The following GUCY2C variants were observed in gnomAD, a reference collection of about 807,000 sequenced individuals.
GUCY2C encodes guanylyl cyclase C.
GUCY2C carries 118 observed loss-of-function variants against 131.1 expected under a neutral mutation model. The ratio of observed to expected loss-of-function variants is 0.90; its 90% CI spans 0.78 to 1.05. GUCY2C has a LOEUF of 1.05. Ranked by LOEUF, GUCY2C falls within the 50% of genes least tolerant of loss-of-function variation. GUCY2C has a pLI of 0.00. For synonymous variants in GUCY2C, 452 were observed against 457.8 expected (o/e 0.99, Z 0.16); for missense variants, 1,161 against 1,304.4 (o/e 0.89, Z 1.69).
At chr12:14,636,632 C>A (rs543539169) in intron 19 of GUCY2C, among the ~76,000 whole-genome samples, 11 of 152,264 alleles carry the variant, frequency 7.2e-5, no homozygotes, top group Non-Finnish European at 1.5e-4. Flanking sequence ...ACTGAAAGTA[C>A]TAGCCAGAGC....
chr12:14,686,264 GA>G, intron 2 of GUCY2C, 39 bp from the exon 3 acceptor site: 2 of 1,405,640 alleles, frequency 1.4e-6, no homozygotes, highest in African/African-American at 1.4e-5. Context: ...CTAGAACTAA[GA>G]AAAATACTCA....
At chr12:14,631,932 G>A in intron 19 of GUCY2C, among the ~76,000 whole-genome samples, 2 of 150,180 alleles carry the variant, frequency 1.3e-5, no homozygotes, top group Non-Finnish European at 3.0e-5. Context: ...TCTAACTGGT[G>A]TGAGATGGTA....
Position 14,631,229 on chromosome 12 carries a change from AT to A in GUCY2C, c.2158-2493del, listed in dbSNP as rs561270002. Among the ~76,000 whole-genome samples the A allele has an allele frequency of 5.9e-5, 9 of 152,048 alleles. No individual in the cohort carries two copies. The South Asian group carries it at 1.7e-3, about 28-fold the overall frequency. On this transcript the variant is annotated intron_variant, in intron 19 of 26. Coordinates refer to ENST00000261170, the MANE Select transcript of GUCY2C (RefSeq NM_004963.4). ...AAAGATTATAAATGTCTTTTTTAAA[AT>A]TTTTTTTATTTTTATTATACTTTAA...
At chr12:14,657,226 A>G (rs1592119086) in intron 11 of GUCY2C, among the ~76,000 whole-genome samples, 1 of 152,292 alleles carries the variant, frequency 6.6e-6, no homozygotes, top group East Asian at 1.9e-4. Flanking sequence ...AACTGATGAC[A>G]TAGAAGGAGT....
chr12:14,653,067 A>G, intron 12 of GUCY2C, 53 bp from the exon 13 acceptor site: 1 of 1,296,382 alleles, frequency 7.7e-7, no homozygotes, highest in Non-Finnish European at 1.1e-6. Flanking sequence ...CATCCTACTC[A>G]CTGCCTGTCA....
At chr12:14,627,066 C>A (rs1947034540) in intron 20 of GUCY2C, among the ~76,000 whole-genome samples, 1 of 152,150 alleles carries the variant, frequency 6.6e-6, no homozygotes, top group African/African-American at 2.4e-5. Context: ...CTTTGTGTGA[C>A]ACTGGGAGGT....
chr12:14,673,648 T>C (rs192962549), intron 8 of GUCY2C, among the ~76,000 whole-genome samples: 3 of 152,336 alleles, frequency 2.0e-5, no homozygotes, highest in Admixed American at 6.5e-5. Context: ...GTCAGAGATA[T>C]TAAGGGTCGT....
chr12:14,683,351 T>G, intron 3 of GUCY2C, 94 bp from the exon 4 acceptor site: 1 of 749,332 alleles, frequency 1.3e-6, no homozygotes, highest in Non-Finnish European at 2.3e-6. Flanking sequence ...CATGTATGTA[T>G]AAATGGTAAG....
intron 10 of GUCY2C, chr12:14,666,143 A>G (rs1427681906): frequency 1.3e-5 from 2 of 152,286 alleles, no homozygotes; most frequent in Non-Finnish European, 2.9e-5. Flanking sequence ...TGCCATTTAC[A>G]TAGCCCTGAA....
chr12:14,656,439 T>G, intron 12 of GUCY2C, 73 bp downstream of exon 12: 1 of 757,852 alleles, frequency 1.3e-6, no homozygotes, highest in East Asian at 2.5e-5. Flanking sequence ...GCACATATCC[T>G]GCAATGCTAC....
In GUCY2C at chr12:14,612,740, G is replaced by A. The variant is rs2136962171; in HGVS notation, c.*377C>T. ...AGATGGGTATTTAAAATATAATTATGACAATTTAAAAAATCTTATGAATAC... is the reference window on the plus strand; with the variant it reads ...AGATGGGTATTTAAAATATAATTATAACAATTTAAAAAATCTTATGAATAC... On this transcript the variant is annotated 3_prime_UTR_variant, in exon 27 of 27. Transcript: ENST00000261170. The A allele has an allele frequency of 6.0e-6, 1 of 165,684 alleles. No homozygotes were observed. The highest frequency in any genetic ancestry group is 1.8e-4 in the South Asian group (1 of 5,494). The allele number at this position is 165,684 out of a possible 1,614,324, so 10.3% of individuals were successfully genotyped here.
intron 19 of GUCY2C, 60 bp downstream of exon 19, chr12:14,639,802 A>G (rs1434412385): frequency 2.8e-6 from 3 of 1,079,046 alleles, no homozygotes; most frequent in Non-Finnish European, 4.3e-6. Context: ...GTTTTAATCC[A>G]TTACATTTAT....
Position 14,651,961 on chromosome 12 carries a change from T to G in GUCY2C, c.1603A>C (p.Lys535Gln). The G allele has an allele frequency of 6.5e-7, 1 of 1,536,000 alleles. No individual in the cohort carries two copies. The change falls in exon 14 of 27, where the codon AAG (lysine) becomes CAG (glutamine). Residue 535 changes from lysine to glutamine, a missense_variant and splice_region_variant. Physicochemically the swap from Lys to Gln is moderately conservative, Grantham distance 53. Coordinates refer to ENST00000261170, the MANE Select transcript of GUCY2C (RefSeq NM_004963.4). ...FTEKQKIELNKLLQIDYYNLT... is the reference protein window; with the variant it reads ...FTEKQKIELNQLLQIDYYNLT... ...GGTTTGAAGTAAGGGCTACATACCT[T>G]GTTCAATTCTATCTTCTGTTTTTCA...
intron 19 of GUCY2C, among the ~76,000 whole-genome samples, chr12:14,636,318 A>T (rs1947269831): frequency 6.6e-6 from 1 of 152,234 alleles, no homozygotes; most frequent in Non-Finnish European, 1.5e-5. Context: ...AAATCAATAA[A>T]CATGATACAT....
At chr12:14,614,629 G>A (rs559700616) in intron 26 of GUCY2C, 1 of 449,706 alleles carries the variant, frequency 2.2e-6, no homozygotes, top group African/African-American at 2.1e-5. Flanking sequence ...GTTCCAGACA[G>A]GGAAGCCAAG....
chr12:14,629,867 T>C (rs1947103828), intron 19 of GUCY2C, among the ~76,000 whole-genome samples: 1 of 152,132 alleles, frequency 6.6e-6, no homozygotes, highest in African/African-American at 2.4e-5. Context: ...GCAAGAAAAA[T>C]AAAGGACATC....
At chr12:14,682,831 G>T (rs1948375816) in intron 4 of GUCY2C, among the ~76,000 whole-genome samples, 1 of 152,206 alleles carries the variant, frequency 6.6e-6, no homozygotes. Flanking sequence ...ACAGTAAAGA[G>T]TGTTGCAGAT....
chr12:14,650,653 T>C (rs997217769), intron 15 of GUCY2C, among the ~76,000 whole-genome samples: 1 of 152,216 alleles, frequency 6.6e-6, no homozygotes, highest in Non-Finnish European at 1.5e-5. Flanking sequence ...TTCCATTACA[T>C]TAGTCCCTCA....
At chr12:14,648,625 TC>T (rs1240489117) in intron 15 of GUCY2C, among the ~76,000 whole-genome samples, 1 of 152,234 alleles carries the variant, frequency 6.6e-6, no homozygotes, top group African/African-American at 2.4e-5. Context: ...TCTTCCTTTA[TC>T]TCTCTGAATG....
Sources: allele counts gnomAD v4.1 joint callset (sites outside exome capture counted in the v4.1 genomes callset), GRCh38; gene constraint gnomAD v4.1.1; transcripts MANE v1.5; gene names NCBI Gene and HGNC (gene_info 2026-07-23, HGNC 2026-07-21).